Variants in RAB28 observed in about 807,000 individuals in gnomAD.
RAB28 encodes the protein ras-related protein Rab-28.
RAB28 carries 24 observed loss-of-function variants against 31.7 expected under a neutral mutation model. That is an observed-to-expected ratio of 0.76 (90% CI 0.55 to 1.06). The LOEUF (loss-of-function observed/expected upper bound fraction) is 1.06. Ranked by LOEUF, RAB28 falls within the 50% of genes least tolerant of loss-of-function variation. The probability of loss-of-function intolerance (pLI) is 0.00; values close to 1 mark genes in which losing one functional copy is unlikely to be tolerated. For missense variants in RAB28, 254 were observed against 258.5 expected, an observed-to-expected ratio of 0.98 and a Z score of 0.12; for synonymous variants, 100 against 90.4, an observed-to-expected ratio of 1.11 and a Z score of -0.60.
intron 4 of RAB28, chr4:13,459,571 T>C (rs185168223): frequency 6.6e-4 from 124 of 188,190 alleles, no homozygotes; most frequent in Non-Finnish European, 8.6e-4. Context: ...ATGTACTGAG[T>C]TCAGTTTTAT....
intron 3 of RAB28, among the ~76,000 whole-genome samples, chr4:13,466,298 T>G (rs1187482592): frequency 1.3e-5 from 2 of 151,812 alleles, no homozygotes; most frequent in Non-Finnish European, 2.9e-5. Context: ...TAAAATATTT[T>G]CAAGTCATAC....
intron 1 of RAB28, among the ~76,000 whole-genome samples, chr4:13,480,423 C>T (rs1229311370): frequency 6.6e-6 from 1 of 151,846 alleles, no homozygotes; most frequent in Non-Finnish European, 1.5e-5. Flanking sequence ...TCAAGACAGA[C>T]TCCCTACTTT....
rs1030969209 is a variant in RAB28, at chr4:13,479,356, A to T, written c.172+74T>A. 29 of 1,105,918 alleles carry T rather than the reference A, an allele frequency of 2.6e-5. No individual in the cohort carries two copies. The African/African-American group carries it at 4.3e-4, about 16-fold the overall frequency. 68.5% of individuals were successfully genotyped at this position (1,105,918 alleles called of 1,614,324 possible). A position where few individuals can be genotyped will look rare whatever the true frequency, so the allele number is the denominator to read the frequency against. ...TGTAGAAGCAGCCCCAAAATTTTAC[A>T]CATTTCTTTCTTATGCCACTTATTG... On this transcript the variant is annotated intron_variant, in intron 2 of 6. Coordinates refer to ENST00000330852, the MANE Select transcript of RAB28 (RefSeq NM_001017979.3).
rs749904747 is a variant in RAB28 at position 13,479,419 on chromosome 4, T to C, written c.172+11A>G. On this transcript the variant is annotated intron_variant, in intron 2 of 6. Transcript: ENST00000330852. Reference sequence around the variant, plus strand: ...TATAATCTTCTACGTTAAGACTTTTTAGTCTCTTACCTGGCAATGTTATCC... The same window carrying C: ...TATAATCTTCTACGTTAAGACTTTTCAGTCTCTTACCTGGCAATGTTATCC... 3.9e-6 allele frequency: 6 copies of C among 1,555,216 alleles called. 1 individual carries two copies. Among genetic ancestry groups the C allele is most frequent in the South Asian group, 3.4e-5 (3 of 87,618 alleles).
intron 6 of RAB28, chr4:13,370,004 A>C (rs912132983): frequency 6.3e-7 from 1 of 1,587,300 alleles, no homozygotes; most frequent in Non-Finnish European, 8.5e-7. Flanking sequence ...CAAAGAAAAA[A>C]GAATTAAAAA....
intron 6 of RAB28, chr4:13,370,432 T>C: frequency 3.7e-6 from 3 of 803,106 alleles, no homozygotes; most frequent in South Asian, 1.1e-4. Context: ...TGTGAAAGTA[T>C]GGGCGACTTA....
At chr4:13,411,536 T>C (rs1047879361) in intron 4 of RAB28, among the ~76,000 whole-genome samples, 1 of 152,188 alleles carries the variant, frequency 6.6e-6, no homozygotes, top group East Asian at 1.9e-4. Context: ...AGTACAAGCA[T>C]ACTTGTGTTA....
intron 1 of RAB28, among the ~76,000 whole-genome samples, chr4:13,482,746 A>G (rs1016903072): frequency 6.6e-6 from 1 of 152,228 alleles, no homozygotes; most frequent in Admixed American, 6.5e-5. Flanking sequence ...TCAGCTTTAA[A>G]AATCTGTAAC....
At chr4:13,443,462 G>A (rs946397495) in intron 4 of RAB28, among the ~76,000 whole-genome samples, 9 of 152,142 alleles carry the variant, frequency 5.9e-5, no homozygotes, top group African/African-American at 2.2e-4. Flanking sequence ...GTGAGCCACC[G>A]CACCTGGCCA....
intron 4 of RAB28, among the ~76,000 whole-genome samples, chr4:13,397,450 A>G (rs1289278347): frequency 6.6e-6 from 1 of 152,122 alleles, no homozygotes; most frequent in Non-Finnish European, 1.5e-5. Flanking sequence ...ACCACTTTCC[A>G]TATTCTTCTG....
chr4:13,467,299 T>A lies in RAB28; in HGVS notation c.262-6471A>T, dbSNP rs867603594. Among the ~76,000 whole-genome samples, 29 of 151,838 alleles carry A rather than the reference T, an allele frequency of 1.9e-4. No homozygotes were observed. The Middle Eastern group carries it at 0.01, about 54-fold the overall frequency. On this transcript the variant is annotated intron_variant, in intron 3 of 6. Transcript: ENST00000330852. The stretch of plus-strand genomic sequence containing the variant: ...TGTACTCCATAAATATAACCGATTA[T>A]AAACTTCCAGTTTACAATAAAATTT...
At chr4:13,479,382 T>C (rs772107120) in intron 2 of RAB28, 48 bp downstream of exon 2, 1 of 1,384,278 alleles carries the variant, frequency 7.2e-7, no homozygotes, top group Admixed American at 1.9e-5. Context: ...CCACTTATTG[T>C]TAAGATTTTT....
At chr4:13,370,550 T>G (rs1728678002) in intron 6 of RAB28, 2 of 920,964 alleles carry the variant, frequency 2.2e-6, no homozygotes, top group Admixed American at 6.2e-5. Context: ...TAATATGCTG[T>G]GGGAACACAG....
At chr4:13,397,972 C>A (rs1236240385) in intron 4 of RAB28, among the ~76,000 whole-genome samples, 1 of 151,984 alleles carries the variant, frequency 6.6e-6, no homozygotes, top group African/African-American at 2.4e-5. Context: ...CAAAACACCA[C>A]CAAGAGCAGC....
At chr4:13,430,318 G>C (rs1454768547) in intron 4 of RAB28, among the ~76,000 whole-genome samples, 1 of 152,136 alleles carries the variant, frequency 6.6e-6, no homozygotes, top group Non-Finnish European at 1.5e-5. Context: ...AAGGAGGGGA[G>C]CAGGATCTGT....
At chr4:13,385,716 T>C (rs1032791697) in intron 4 of RAB28, among the ~76,000 whole-genome samples, 2 of 152,078 alleles carry the variant, frequency 1.3e-5, no homozygotes, top group African/African-American at 4.8e-5. Context: ...TATCAACCAC[T>C]ACAAAAACAC....
chr4:13,419,315 C>A (rs1025770197), intron 4 of RAB28, among the ~76,000 whole-genome samples: 4 of 152,008 alleles, frequency 2.6e-5, no homozygotes, highest in Non-Finnish European at 5.9e-5. Context: ...ACTTTAACAC[C>A]CCACTGTCAA....
Position 13,368,347 on chromosome 4 carries a change from T to C in RAB28, c.*211A>G, listed in dbSNP as rs542529101. On this transcript the variant is annotated 3_prime_UTR_variant, in exon 7 of 7. Coordinates refer to ENST00000330852, the MANE Select transcript of RAB28 (RefSeq NM_001017979.3). The stretch of plus-strand genomic sequence containing the variant: ...ATTCCAGGGAATGGGTTTTCCATTT[T>C]GAATTCAAAGTGTGTGGTCCCAAAG... 2 of 1,204,858 alleles carry C rather than the reference T, an allele frequency of 1.7e-6. No homozygotes were observed. The highest frequency in any genetic ancestry group is 7.9e-5 in the South Asian group (2 of 25,264). 74.6% of individuals were successfully genotyped at this position (1,204,858 alleles called of 1,614,324 possible).
At chr4:13,388,943 T>G (rs1330591276) in intron 4 of RAB28, among the ~76,000 whole-genome samples, 3 of 152,098 alleles carry the variant, frequency 2.0e-5, no homozygotes, top group Non-Finnish European at 4.4e-5. Context: ...TAATCCAACT[T>G]CTGGGTATAT....
Sources: allele counts gnomAD v4.1 joint callset (sites outside exome capture counted in the v4.1 genomes callset), GRCh38; gene constraint gnomAD v4.1.1; transcripts MANE v1.5; gene names NCBI Gene and HGNC (gene_info 2026-07-23, HGNC 2026-07-21).